CAPN14: variants seen among roughly 807,000 people sequenced by gnomAD.
CAPN14 encodes calpain 14.
A neutral mutation model predicts 101.3 loss-of-function variants in CAPN14; 94 were observed. That is an observed-to-expected ratio of 0.93 (90% CI 0.79 to 1.10). The LOEUF (loss-of-function observed/expected upper bound fraction) is 1.10, where lower values mean the gene tolerates loss of function less well. Among genes scored for constraint, CAPN14 ranks in the 50% least tolerant of loss-of-function variants. The probability of loss-of-function intolerance (pLI) is 0.00; values close to 1 mark genes in which losing one functional copy is unlikely to be tolerated. For missense variants in CAPN14, 837 were observed against 828.4 expected (o/e 1.01, Z -0.13); for synonymous variants, 338 against 317.9 (o/e 1.06, Z -0.67).
At chr2:31,185,602 G>T (rs1026608271) in intron 16 of CAPN14, among the ~76,000 whole-genome samples, 2 of 152,146 alleles carry the variant, frequency 1.3e-5, no homozygotes, top group African/African-American at 4.8e-5. Context: ...GCCGGGAAGG[G>T]GAGTCTTACG....
In CAPN14 at chr2:31,193,180, C is replaced by G; in HGVS notation, c.1065G>C (p.Gly355=). ...CAGCTGTGCTCCGCTTCTCCCATCT[C>G]CCCTCCCGCATGGTGTACGTCCACT... ...AQKWTYTMRE[G]RWEKRSTAGG... The change falls in exon 10 of 22, where the codon GGG becomes GGC. Residue 355 remains glycine (G), a synonymous_variant. Coordinates refer to ENST00000403897, the MANE Select transcript of CAPN14 (RefSeq NM_001145122.2). 1 of 1,551,586 alleles carries G rather than the reference C, an allele frequency of 6.4e-7. No individual in the cohort carries two copies. The highest frequency in any genetic ancestry group is 1.7e-4 in the Middle Eastern group (1 of 5,992).
intron 8 of CAPN14, 118 bp from the exon 9 acceptor site, chr2:31,194,601 C>T: frequency 1.4e-6 from 1 of 699,692 alleles, no homozygotes; most frequent in South Asian, 1.7e-5. Flanking sequence ...AACTAAATTT[C>T]CCATTCCATA....
At chr2:31,214,246 T>C (rs1682534050) in intron 1 of CAPN14, among the ~76,000 whole-genome samples, 1 of 152,196 alleles carries the variant, frequency 6.6e-6, no homozygotes, top group South Asian at 2.1e-4. Context: ...CAATAAAGCG[T>C]GCCCTCCCCT....
At chr2:31,218,914 T>TATC (rs1682769186), upstream of CAPN14, among the ~76,000 whole-genome samples, 1 of 152,150 alleles carries the variant, frequency 6.6e-6, no homozygotes, top group Admixed American at 6.5e-5. Context: ...CTCGCATGGG[T>TATC]CTGAAGGTGT....
At chr2:31,216,029 C>T (rs1262074123) in intron 1 of CAPN14, among the ~76,000 whole-genome samples, 6 of 151,982 alleles carry the variant, frequency 3.9e-5, no homozygotes, top group African/African-American at 1.5e-4. Context: ...TGAAAACTAC[C>T]CAAATGTCCA....
rs146619192 is a variant in CAPN14, at chr2:31,179,284, T to C, written c.1711-705A>G. On this transcript the variant is annotated intron_variant, in intron 17 of 21. Transcript: ENST00000403897. ...CCCCACACTTGTCCAGGTGTTCTCA[T>C]TGTTCAGTTCCCACCTATAAGTGAG... Among the ~76,000 whole-genome samples, 68 of 152,078 alleles carry C rather than the reference T, an allele frequency of 4.5e-4. No individual in the cohort carries two copies. The East Asian group carries it at 0.011, about 24-fold the overall frequency.
At chr2:31,181,411 T>A (rs940394211) in intron 16 of CAPN14, among the ~76,000 whole-genome samples, 1 of 141,984 alleles carries the variant, frequency 7.0e-6, no homozygotes, top group Non-Finnish European at 1.5e-5. Context: ...TCTTTCTTTC[T>A]TTCTTTCTTT....
rs147782705 is a variant in CAPN14 at position 31,189,722 on chromosome 2, C to T, written c.1288-244G>A. The T allele has an allele frequency of 1.9e-3, 1,159 of 602,696 alleles. 22 individuals are homozygous for T. The highest frequency in any genetic ancestry group is 0.019 in the African/African-American group (1,034 of 55,114). The allele number at this position is 602,696 out of a possible 1,614,324, so 37.3% of individuals were successfully genotyped here. ...ACACGTGTCATTTGATTTGACTTAC[C>T]TTAAAAACAACACCAGCACTAAATG... On this transcript the variant is annotated intron_variant, in intron 12 of 21. Coordinates refer to ENST00000403897, the MANE Select transcript of CAPN14 (RefSeq NM_001145122.2).
rs1681300941 is a variant in CAPN14, at chr2:31,193,300, G to A, written c.951-6C>T. The A allele has an allele frequency of 1.5e-5, 24 of 1,551,264 alleles. No individual in the cohort carries two copies. The highest frequency in any genetic ancestry group is 2.0e-5 in the Non-Finnish European group (23 of 1,146,860). ...TAAAGTCCTGCAGCGTCATCCTGTG[G>A]AGAGAAGAAGGAAAAGCACAAAGAG... is the stretch of plus-strand genomic sequence containing the variant. On this transcript the variant is annotated splice_region_variant and splice_polypyrimidine_tract_variant and intron_variant, in intron 9 of 21. Transcript: ENST00000403897.
chr2:31,206,291 C>T (rs1175284649), intron 1 of CAPN14, among the ~76,000 whole-genome samples: 2 of 152,160 alleles, frequency 1.3e-5, no homozygotes, highest in South Asian at 2.1e-4. Context: ...CCCCAGGCTC[C>T]AGCACAGGGT....
At chr2:31,203,326 C>A (rs952129204) in intron 2 of CAPN14, among the ~76,000 whole-genome samples, 187 bp from the exon 3 acceptor site, 3 of 152,158 alleles carry the variant, frequency 2.0e-5, no homozygotes, top group African/African-American at 7.2e-5. Flanking sequence ...CTCATTCCTT[C>A]TTATAGCTCG....
intron 2 of CAPN14, among the ~76,000 whole-genome samples, chr2:31,225,145 A>G (rs1343801292): frequency 6.6e-6 from 1 of 152,122 alleles, no homozygotes; most frequent in Admixed American, 6.5e-5. Flanking sequence ...TGCTTTTAGA[A>G]AAATAAGGGA....
At chr2:31,228,335 T>A (rs1235650074) in intron 1 of CAPN14, 1 of 152,214 alleles carries the variant, frequency 6.6e-6, no homozygotes, top group Non-Finnish European at 1.5e-5. Flanking sequence ...CCACCCTGAA[T>A]GCACCCGATC....
chr2:31,177,104 T>G lies in CAPN14; in HGVS notation c.1894A>C (p.Ile632Leu). The G allele has an allele frequency of 6.4e-7, 1 of 1,551,316 alleles. No individual in the cohort carries two copies. Among genetic ancestry groups the G allele is most frequent in the Non-Finnish European group, 8.7e-7 (1 of 1,146,762 alleles). The change falls in exon 20 of 22, where the codon ATC becomes CTC. Residue 632 changes from isoleucine (I) to leucine (L), a missense_variant. Transcript: ENST00000403897. ...LSDDVCQLMLIRYGGPRLQMD... is the reference protein window; with the variant it reads ...LSDDVCQLMLLRYGGPRLQMD... ...TGGAGGCGGGGGCCGCCGTAGCGGA[T>G]GAGCATCAGCTGACAGACGTCATCA... is the stretch of plus-strand genomic sequence containing the variant.
chr2:31,201,840 G>C (rs908414280), intron 5 of CAPN14, 22 bp downstream of exon 5: 2 of 1,548,834 alleles, frequency 1.3e-6, no homozygotes, highest in Admixed American at 2.0e-5. Context: ...TGGGAAGGGG[G>C]ATATTTCTGC....
intron 11 of CAPN14, 21 bp from the exon 12 acceptor site, chr2:31,191,428 C>CAAAAAAA (rs768991420): frequency 3.5e-6 from 5 of 1,426,086 alleles, no homozygotes; most frequent in Non-Finnish European, 1.8e-6. Context: ...AAAACAAAAA[C>CAAAAAAA]AGAAAAAAAA....
upstream of CAPN14, among the ~76,000 whole-genome samples, chr2:31,219,363 C>T (rs955445157): frequency 1.3e-5 from 2 of 152,212 alleles, no homozygotes; most frequent in Admixed American, 6.5e-5. Context: ...AGGCTTCCGA[C>T]TGTCACCCAG....
At chr2:31,200,257 G>A (rs547684675) in intron 6 of CAPN14, among the ~76,000 whole-genome samples, 194 bp downstream of exon 6, 12 of 152,142 alleles carry the variant, frequency 7.9e-5, no homozygotes, top group South Asian at 2.1e-4. Context: ...CGCCCACCTG[G>A]GCCTCCCAAA....
chr2:31,192,167 A>G, intron 10 of CAPN14, 69 bp from the exon 11 acceptor site: 1 of 1,452,286 alleles, frequency 6.9e-7, no homozygotes, highest in Non-Finnish European at 9.1e-7. Context: ...CGAACCACTA[A>G]GAGGTGAACA....
Sources: gnomAD v4.1 joint callset for allele counts (sites outside exome capture counted in the v4.1 genomes callset) on GRCh38, gnomAD v4.1.1 for gene constraint, MANE v1.5 for transcripts, NCBI Gene and HGNC (gene_info 2026-07-23, HGNC 2026-07-21) for gene names.